Variants in SENP5 observed in about 807,000 individuals in gnomAD.
The protein encoded by SENP5 is sentrin-specific protease 5.
In SENP5, 21 loss-of-function variants were observed where a neutral mutation model predicts 74.2. The observed-to-expected ratio is 0.28, with a 90% confidence interval of 0.20 to 0.41. The LOEUF is 0.41. Ranked by LOEUF, SENP5 falls within the 10% of genes least tolerant of loss-of-function variation. The pLI is 1.00. For synonymous variants in SENP5, 311 were observed against 312.7 expected (o/e 0.99, Z 0.06); for missense variants, 717 against 889.1 (o/e 0.81, Z 2.46).
chr3:196,899,533 T>TC (rs1714607472), intron 2 of SENP5, 133 bp from the exon 3 acceptor site: 1 of 480,684 alleles, frequency 2.1e-6, no homozygotes, highest in African/African-American at 1.9e-5. Context: ...AAATATAGTA[T>TC]CAATATTATA....
At chr3:196,918,200 G>A (rs60587099) in intron 6 of SENP5, among the ~76,000 whole-genome samples, 34,457 of 151,368 alleles carry the variant, frequency 0.23, 4,027 homozygotes, top group African/African-American at 0.28. Flanking sequence ...CCAGCTACTC[G>A]GGAGGCTGAG....
At chr3:196,876,326 A>G (rs1475774028) in intron 1 of SENP5, among the ~76,000 whole-genome samples, 1 of 152,080 alleles carries the variant, frequency 6.6e-6, no homozygotes, top group Non-Finnish European at 1.5e-5. Context: ...GATCGAGACT[A>G]TCCTTGCTAA....
Position 196,886,400 on chromosome 3 carries a change from A to G in SENP5, c.1219A>G (p.Ser407Gly), listed in dbSNP as rs1232330216. 7 of 1,612,470 alleles carry G rather than the reference A, an allele frequency of 4.3e-6. No individual in the cohort carries two copies. The highest frequency in any genetic ancestry group is 5.1e-6 in the Non-Finnish European group (6 of 1,178,962). ...TCAGGAAAATCAGACAAGTTCTGTCAGTGATGACAGAGTAAAACTGTCAGT... is the reference window on the plus strand; with the variant it reads ...TCAGGAAAATCAGACAAGTTCTGTCGGTGATGACAGAGTAAAACTGTCAGT... ...LGQENQTSSV[S>G]DDRVKLSVSG... Residue 407 changes from serine to glycine, a missense_variant, in exon 2 of 10, where the codon AGT (serine) becomes GGT (glycine). Ser to Gly is a moderately conservative substitution (Grantham distance 56). This residue lies in a region of SENP5 where 567 missense variants were observed against 577.4 expected (regional missense o/e 0.98). Transcript: ENST00000323460.
At chr3:196,900,294 T>G in intron 4 of SENP5, 71 bp from the exon 5 acceptor site, 1 of 1,417,850 alleles carries the variant, frequency 7.1e-7, no homozygotes, top group South Asian at 1.3e-5. Flanking sequence ...GTTTTATTTA[T>G]TTATTTTGTT....
chr3:196,913,655 T>C (rs1407252136), intron 6 of SENP5, among the ~76,000 whole-genome samples: 1 of 143,748 alleles, frequency 7.0e-6, no homozygotes. Context: ...GGCTTTTTTT[T>C]TTTTTTTTTT....
intron 7 of SENP5, among the ~76,000 whole-genome samples, chr3:196,925,311 TACC>T (rs1159934319): frequency 1.3e-5 from 2 of 151,930 alleles, no homozygotes; most frequent in Non-Finnish European, 2.9e-5. Context: ...GGAAAAAAAA[TACC>T]CCAAAAACAA....
intron 6 of SENP5, among the ~76,000 whole-genome samples, chr3:196,916,626 C>T (rs1002931264): frequency 3.3e-5 from 5 of 151,288 alleles, no homozygotes; most frequent in African/African-American, 1.2e-4. Context: ...CTCCCAGGTT[C>T]AGGCAATTCT....
chr3:196,924,611 A>T (rs1020706942), intron 7 of SENP5, among the ~76,000 whole-genome samples: 13 of 50,860 alleles, frequency 2.6e-4, no homozygotes, highest in Admixed American at 8.2e-4. Context: ...AGGCATTCTC[A>T]TATTTTCTGG....
chr3:196,899,861 A>G (rs1474891244), intron 3 of SENP5, 63 bp from the exon 4 acceptor site: 1 of 1,581,020 alleles, frequency 6.3e-7, no homozygotes, highest in African/African-American at 1.4e-5. Flanking sequence ...AAAGATATTT[A>G]GCAGTAAATT....
intron 1 of SENP5, among the ~76,000 whole-genome samples, chr3:196,870,449 C>A (rs1023762500): frequency 6.6e-6 from 1 of 152,136 alleles, no homozygotes; most frequent in South Asian, 2.1e-4. Context: ...GAAATGGACC[C>A]TACATCACAG....
In SENP5 at chr3:196,867,948, C is replaced by G. The variant is rs1308136046; in HGVS notation, c.-157C>G. On this transcript the variant is annotated 5_prime_UTR_variant, in exon 1 of 10. Transcript: ENST00000323460. ...GGAAGCTCGGCGGCTGTGGCCGCGG[C>G]GAACAGGCCGGACGCCTCGTCGCTG... 6.6e-6 allele frequency: 1 copy of G among 152,144 alleles called. No individual in the cohort carries two copies. Among genetic ancestry groups the G allele is most frequent in the Non-Finnish European group, 1.5e-5 (1 of 68,026 alleles). 9.4% of individuals were successfully genotyped at this position (152,144 alleles called of 1,614,324 possible). A position where few individuals can be genotyped will look rare whatever the true frequency, so the allele number is the denominator to read the frequency against.
At chr3:196,895,777 C>G (rs1040830421) in intron 2 of SENP5, among the ~76,000 whole-genome samples, 1 of 152,152 alleles carries the variant, frequency 6.6e-6, no homozygotes, top group African/African-American at 2.4e-5. Flanking sequence ...CTGTCTCAGC[C>G]TCCCAAAGTG....
Position 196,931,663 on chromosome 3 carries a change from G to T in SENP5, c.*740G>T. ...AATACGTGGCATACATCTCATAAAG[G>T]CTTTTGCTGGGATATTGAATTCCCT... On this transcript the variant is annotated 3_prime_UTR_variant, in exon 10 of 10. Coordinates refer to ENST00000323460, the MANE Select transcript of SENP5 (RefSeq NM_152699.5). The T allele has an allele frequency of 3.5e-6, 1 of 283,528 alleles. No individual in the cohort carries two copies. The highest frequency in any genetic ancestry group is 6.9e-6 in the Non-Finnish European group (1 of 144,940). 17.6% of individuals were successfully genotyped at this position (283,528 alleles called of 1,614,324 possible). A position where few individuals can be genotyped will look rare whatever the true frequency, so the allele number is the denominator to read the frequency against.
chr3:196,904,854 T>C (rs1714839025), intron 6 of SENP5: 2 of 152,012 alleles, frequency 1.3e-5, no homozygotes, highest in African/African-American at 2.4e-5. Flanking sequence ...GCAAGGAGTG[T>C]GTATGAGTGT....
intron 1 of SENP5, among the ~76,000 whole-genome samples, chr3:196,882,218 T>C (rs1713757977): frequency 6.6e-6 from 1 of 151,712 alleles, no homozygotes; most frequent in Admixed American, 6.6e-5. Flanking sequence ...TTTTTAATTG[T>C]GGTAAAATAT....
At chr3:196,897,784 C>G (rs35358077) in intron 2 of SENP5, among the ~76,000 whole-genome samples, 99,872 of 152,116 alleles carry the variant, frequency 0.66, 33,846 homozygotes, top group Non-Finnish European at 0.74. Context: ...ATTTGTTGCT[C>G]TGCCCATTCA....
At chr3:196,919,519 GGC>G (rs1715525807) in intron 6 of SENP5, among the ~76,000 whole-genome samples, 1 of 151,918 alleles carries the variant, frequency 6.6e-6, no homozygotes, top group Non-Finnish European at 1.5e-5. Context: ...ACCAACCAGG[GGC>G]GGTGGCTCAC....
At chr3:196,876,929 A>G (rs548188849) in intron 1 of SENP5, among the ~76,000 whole-genome samples, 1 of 152,264 alleles carries the variant, frequency 6.6e-6, no homozygotes, top group South Asian at 2.1e-4. Flanking sequence ...AAATAACCAC[A>G]GTTATTTACC....
chr3:196,906,792 T>C (rs974135690), intron 6 of SENP5, among the ~76,000 whole-genome samples: 6 of 152,196 alleles, frequency 3.9e-5, no homozygotes, highest in African/African-American at 9.6e-5. Flanking sequence ...TAGGAAACCA[T>C]TGAATGGTTT....
Sources: gnomAD v4.1 joint callset for allele counts (sites outside exome capture counted in the v4.1 genomes callset) on GRCh38, gnomAD v4.1.1 for gene constraint, gnomAD v4.1.1 regional missense constraint, MANE v1.5 for transcripts, NCBI Gene and HGNC (gene_info 2026-07-23, HGNC 2026-07-21) for gene names.